The following DENND4C variants were observed in gnomAD, a reference collection of about 807,000 sequenced individuals.
DENND4C encodes the protein DENN domain containing 4C.
In DENND4C, 108 loss-of-function variants were observed where a neutral mutation model predicts 203.0. That is an observed-to-expected ratio of 0.53 (90% CI 0.46 to 0.62). DENND4C has a LOEUF of 0.62. DENND4C is among the 20% of genes least tolerant of loss of function. The pLI, the probability that DENND4C is intolerant of heterozygous loss-of-function variation, is 0.00. For synonymous variants in DENND4C, 871 were observed against 792.4 expected, an observed-to-expected ratio of 1.10 and a Z score of -1.67; for missense variants, 2,481 against 2,301.2, an observed-to-expected ratio of 1.08 and a Z score of -1.60.
intron 1 of DENND4C, among the ~76,000 whole-genome samples, chr9:19,250,607 G>T (rs1490260472): frequency 6.6e-6 from 1 of 152,144 alleles, no homozygotes; most frequent in South Asian, 2.1e-4. Flanking sequence ...AGTTTCCTCC[G>T]CCGATTAGCT....
chr9:19,354,121 CTA>C (rs1009180112), intron 26 of DENND4C, among the ~76,000 whole-genome samples: 1 of 152,122 alleles, frequency 6.6e-6, no homozygotes, highest in Non-Finnish European at 1.5e-5. Context: ...TTTTATTGCT[CTA>C]TTTTAAATCT....
At chr9:19,334,619 G>A (rs187322536) in intron 17 of DENND4C, among the ~76,000 whole-genome samples, 95 of 149,220 alleles carry the variant, frequency 6.4e-4, no homozygotes, top group Middle Eastern at 3.4e-3. Flanking sequence ...TCTACCTCCT[G>A]GCTTCAAGCG....
At chr9:19,260,609 G>A (rs1359899799) in intron 1 of DENND4C, among the ~76,000 whole-genome samples, 1 of 152,116 alleles carries the variant, frequency 6.6e-6, no homozygotes, top group Admixed American at 6.6e-5. Flanking sequence ...TGTTGGCCAG[G>A]CTGGTCTTGA....
chr9:19,254,205 T>C (rs1827354159), intron 1 of DENND4C, among the ~76,000 whole-genome samples: 1 of 152,192 alleles, frequency 6.6e-6, no homozygotes, highest in Admixed American at 6.5e-5. Context: ...AAAATAGAAC[T>C]ACTGTACAAT....
At chr9:19,293,748 G>T (rs1194771506) in intron 5 of DENND4C, among the ~76,000 whole-genome samples, 1 of 152,212 alleles carries the variant, frequency 6.6e-6, no homozygotes, top group Non-Finnish European at 1.5e-5. Context: ...AGCAGGTACT[G>T]TGAGGAATTG....
At chr9:19,248,234 A>G (rs73423075) in intron 1 of DENND4C, among the ~76,000 whole-genome samples, 1 of 152,248 alleles carries the variant, frequency 6.6e-6, no homozygotes, top group African/African-American at 2.4e-5. Context: ...CTCTAAGCTC[A>G]AGAGCCACTG....
intron 9 of DENND4C, among the ~76,000 whole-genome samples, chr9:19,300,771 T>C (rs1397426938): frequency 6.6e-6 from 1 of 152,204 alleles, no homozygotes; most frequent in Non-Finnish European, 1.5e-5. Flanking sequence ...TGAAATAGGA[T>C]AATATACAGA....
intron 1 of DENND4C, among the ~76,000 whole-genome samples, chr9:19,259,694 G>A (rs1305808512): frequency 5.9e-5 from 9 of 151,732 alleles, no homozygotes; most frequent in Admixed American, 3.3e-4. Flanking sequence ...TAGTAGAGAC[G>A]GAGTTTCTCC....
In DENND4C at chr9:19,358,760, T is replaced by C. The variant is rs146416810; in HGVS notation, c.5160+600T>C. 6.5e-3 allele frequency among the ~76,000 whole-genome samples: 982 copies of C among 152,016 alleles called. 10 individuals are homozygous for C. Among genetic ancestry groups the C allele is most frequent in the Non-Finnish European group, 0.011 (736 of 68,034 alleles). ...CTTGCAATTTATTTGTTGATAAAAC[T>C]GGTTAGAGTACAGTTTTCCATAATC... On this transcript the variant is annotated intron_variant, in intron 28 of 32. Coordinates refer to ENST00000434457, the MANE Select transcript of DENND4C (RefSeq NM_001330640.2). This position sits in a 1 kb window ranked among gnomAD's most constrained non-coding sequence, Gnocchi z 4.8.
chr9:19,329,093 C>T (rs1169010315), intron 16 of DENND4C, among the ~76,000 whole-genome samples: 2 of 151,970 alleles, frequency 1.3e-5, no homozygotes, highest in African/African-American at 4.8e-5. Flanking sequence ...TACAGCATAC[C>T]CACTTAAAGT....
intron 1 of DENND4C, among the ~76,000 whole-genome samples, chr9:19,262,037 T>C (rs568124197): frequency 6.6e-6 from 1 of 151,616 alleles, no homozygotes; most frequent in African/African-American, 2.4e-5. Context: ...TTTTTGTATA[T>C]TGATTTTATA....
intron 30 of DENND4C, among the ~76,000 whole-genome samples, chr9:19,366,936 A>G (rs959975032): frequency 2.6e-5 from 4 of 152,222 alleles, no homozygotes; most frequent in Non-Finnish European, 5.9e-5. Context: ...GGGAGGAGAT[A>G]TTTGCAAATC....
chr9:19,346,880 C>G lies in DENND4C; in HGVS notation c.4111C>G (p.Arg1371Gly). The G allele has an allele frequency of 6.2e-7, 1 of 1,614,208 alleles. No individual in the cohort carries two copies. Among genetic ancestry groups the G allele is most frequent in the Non-Finnish European group, 8.5e-7 (1 of 1,180,028 alleles). The change falls in exon 23 of 33, where the codon CGT becomes GGT. Residue 1371 changes from arginine to glycine, a missense_variant. Arg to Gly is a moderately radical substitution (Grantham distance 125, BLOSUM62 -2). Coordinates refer to ENST00000434457, the MANE Select transcript of DENND4C (RefSeq NM_001330640.2). ...AACCCCCTCTCGAACTCATAAAGAACGTTCAACTTCTTTGTCAGCACTGGT... is the reference window on the plus strand; with the variant it reads ...AACCCCCTCTCGAACTCATAAAGAAGGTTCAACTTCTTTGTCAGCACTGGT... ...QQTPSRTHKERSTSLSALVRS... is the reference protein window; with the variant it reads ...QQTPSRTHKEGSTSLSALVRS...
At chr9:19,313,097 C>G (rs971309236) in intron 10 of DENND4C, among the ~76,000 whole-genome samples, 1 of 151,820 alleles carries the variant, frequency 6.6e-6, no homozygotes, top group Non-Finnish European at 1.5e-5. Flanking sequence ...CTGTTTTTTT[C>G]CCATCTACTT....
At chr9:19,349,248 A>G (rs977837683) in intron 23 of DENND4C, among the ~76,000 whole-genome samples, 2 of 152,112 alleles carry the variant, frequency 1.3e-5, no homozygotes, top group African/African-American at 4.8e-5. Flanking sequence ...CTATACAAAA[A>G]AATACAAAAA....
At chr9:19,296,822 G>A (rs746798946) in intron 6 of DENND4C, among the ~76,000 whole-genome samples, 1 of 152,132 alleles carries the variant, frequency 6.6e-6, no homozygotes, top group Non-Finnish European at 1.5e-5. Flanking sequence ...GAGACAAATA[G>A]TTACTGCTGC....
intron 10 of DENND4C, among the ~76,000 whole-genome samples, chr9:19,313,980 G>A (rs1016994295): frequency 6.6e-6 from 1 of 152,180 alleles, no homozygotes; most frequent in African/African-American, 2.4e-5. Flanking sequence ...TACCTGGTGG[G>A]CCGAGGCAGG....
At chr9:19,343,586 C>T (rs955565350) in intron 22 of DENND4C, among the ~76,000 whole-genome samples, 7 of 152,200 alleles carry the variant, frequency 4.6e-5, no homozygotes, top group African/African-American at 1.7e-4. Flanking sequence ...ACCGTGACTC[C>T]GAGTTTCACT....
Position 19,274,503 on chromosome 9 carries a change from C to T in DENND4C, c.-17-1655C>T, listed in dbSNP as rs112834104. Among the ~76,000 whole-genome samples, 188 of 152,296 alleles carry T rather than the reference C, an allele frequency of 1.2e-3. 3 individuals are homozygous for T. The highest frequency in any genetic ancestry group is 5.9e-4 in the Admixed American group (9 of 15,292). ...AGAGATGGGATTTCTCCATGTTGAT[C>T]AGGCTGGTCTCAAACTCCCAACCTC... On this transcript the variant is annotated intron_variant, in intron 1 of 32. Transcript: ENST00000434457.
Sources: gnomAD v4.1 joint callset for allele counts (sites outside exome capture counted in the v4.1 genomes callset) on GRCh38, gnomAD v4.1.1 for gene constraint, Gnocchi (gnomAD v3.1) non-coding constraint, MANE v1.5 for transcripts, NCBI Gene and HGNC (gene_info 2026-07-23, HGNC 2026-07-21) for gene names.